Variants in SYNDIG1L observed in about 807,000 individuals in gnomAD.
SYNDIG1L encodes synapse differentiation inducing 1 like, also known as synapse differentiation-inducing gene protein 1-like.
In SYNDIG1L, 13 loss-of-function variants were observed where a neutral mutation model predicts 20.1. That is an observed-to-expected ratio of 0.65 (90% CI 0.42 to 1.03). SYNDIG1L has a LOEUF of 1.03. SYNDIG1L is among the 50% of genes least tolerant of loss of function. The pLI, the probability that SYNDIG1L is intolerant of heterozygous loss-of-function variation, is 0.00. For missense variants in SYNDIG1L, 294 were observed against 305.1 expected (o/e 0.96, Z 0.27); for synonymous variants, 128 against 129.3 (o/e 0.99, Z 0.07).
the SYNDIG1L span, among the ~76,000 whole-genome samples, chr14:74,449,511 C>G: frequency 1.2e-3 from 162 of 130,636 alleles, no homozygotes; most frequent in African/African-American, 4.5e-3. Context: ...ACTCAGGAGG[C>G]TGACATGGAA....
chr14:74,425,174 G>A (rs910599690), intron 1 of SYNDIG1L, among the ~76,000 whole-genome samples: 1 of 151,948 alleles, frequency 6.6e-6, no homozygotes, highest in Non-Finnish European at 1.5e-5. Context: ...AGCTCATTCA[G>A]CGCACTCTTG....
At chr14:74,456,226 G>A in the SYNDIG1L span, among the ~76,000 whole-genome samples, 1 of 152,148 alleles carries the variant, frequency 6.6e-6, no homozygotes, top group East Asian at 1.9e-4. Flanking sequence ...AAGGAGGTAG[G>A]TAGGTCATAT....
At chr14:74,472,630 A>AGCAGAGT in the SYNDIG1L span, among the ~76,000 whole-genome samples, 1 of 152,188 alleles carries the variant, frequency 6.6e-6, no homozygotes, top group Non-Finnish European at 1.5e-5. Context: ...GAAGGGAGAG[A>AGCAGAGT]GCAGAGTGCT....
At chr14:74,462,988 C>T in the SYNDIG1L span, among the ~76,000 whole-genome samples, 1 of 152,162 alleles carries the variant, frequency 6.6e-6, no homozygotes, top group African/African-American at 2.4e-5. Flanking sequence ...AGGGAACTAA[C>T]AAGGCTGAGA....
At chr14:74,443,211 A>G in the SYNDIG1L span, among the ~76,000 whole-genome samples, 1 of 152,218 alleles carries the variant, frequency 6.6e-6, no homozygotes, top group Non-Finnish European at 1.5e-5. Context: ...AAAAGGAGAC[A>G]AGGGGGAGGG....
At chr14:74,449,639 AAAAAG>A in the SYNDIG1L span, among the ~76,000 whole-genome samples, 1 of 151,128 alleles carries the variant, frequency 6.6e-6, no homozygotes, top group African/African-American at 2.4e-5. Context: ...AAGAAAAAAG[AAAAAG>A]AAAAAGAAAA....
rs191545332 is a variant in SYNDIG1L, at chr14:74,424,435, G to A, written c.-58+1477C>T. 1.2e-3 allele frequency among the ~76,000 whole-genome samples: 182 copies of A among 152,030 alleles called. 1 individual carries two copies. Among genetic ancestry groups the A allele is most frequent in the African/African-American group, 4.3e-3 (177 of 41,452 alleles). ...TATCTTCCAGGTGCTGTTGGGGAGGGGGTCATGAAGGGGGACAAAGAGATG... is the reference window on the plus strand; with the variant it reads ...TATCTTCCAGGTGCTGTTGGGGAGGAGGTCATGAAGGGGGACAAAGAGATG... On this transcript the variant is annotated intron_variant, in intron 1 of 3. Transcript: ENST00000331628.
chr14:74,422,721 T>C (rs1302958325), intron 1 of SYNDIG1L, among the ~76,000 whole-genome samples: 10 of 149,812 alleles, frequency 6.7e-5, no homozygotes, highest in South Asian at 2.1e-4. Flanking sequence ...TTTCTCTCTT[T>C]TTTTTTTTTT....
chr14:74,470,422 T>C, the SYNDIG1L span, among the ~76,000 whole-genome samples: 1 of 152,122 alleles, frequency 6.6e-6, no homozygotes, highest in South Asian at 2.1e-4. Context: ...AGAAACAACA[T>C]CCAGACTGCA....
the SYNDIG1L span, among the ~76,000 whole-genome samples, chr14:74,436,915 T>C: frequency 1.3e-5 from 2 of 150,926 alleles, no homozygotes; most frequent in South Asian, 2.1e-4. Flanking sequence ...CAGACTCCTC[T>C]GCCTGGGCTG....
At chr14:74,453,966 AAAAAAC>A in the SYNDIG1L span, among the ~76,000 whole-genome samples, 1 of 152,194 alleles carries the variant, frequency 6.6e-6, no homozygotes, top group Non-Finnish European at 1.5e-5. Flanking sequence ...ATTCTGTCTC[AAAAAAC>A]AAAAACAAAA....
the SYNDIG1L span, among the ~76,000 whole-genome samples, chr14:74,465,165 T>A: frequency 6.6e-6 from 1 of 152,158 alleles, no homozygotes; most frequent in Admixed American, 6.5e-5. Flanking sequence ...CTTCATTTGG[T>A]GCAGTAGTGG....
the SYNDIG1L span, among the ~76,000 whole-genome samples, chr14:74,434,222 C>A: frequency 1.3e-5 from 2 of 152,160 alleles, no homozygotes; most frequent in Non-Finnish European, 2.9e-5. Context: ...GCATGCACTA[C>A]CTTAAAATTA....
upstream of SYNDIG1L, among the ~76,000 whole-genome samples, chr14:74,430,464 C>G (rs1255964247): frequency 6.6e-6 from 1 of 151,054 alleles, no homozygotes; most frequent in Non-Finnish European, 1.5e-5. Context: ...GAGACAGAGT[C>G]TCACTCTGTC....
chr14:74,425,322 G>C (rs1341832506), intron 1 of SYNDIG1L, among the ~76,000 whole-genome samples: 1 of 152,172 alleles, frequency 6.6e-6, no homozygotes, highest in East Asian at 1.9e-4. Context: ...TTCTGTGAGC[G>C]TCAAGAGTGT....
chr14:74,416,164 AT>A (rs2086173285), intron 1 of SYNDIG1L, among the ~76,000 whole-genome samples: 2 of 151,944 alleles, frequency 1.3e-5, no homozygotes, highest in South Asian at 4.2e-4. Flanking sequence ...TCTTTATTTT[AT>A]TTTATAATTT....
chr14:74,454,598 T>C, the SYNDIG1L span, among the ~76,000 whole-genome samples: 1 of 152,222 alleles, frequency 6.6e-6, no homozygotes, highest in Non-Finnish European at 1.5e-5. Flanking sequence ...TTAACATTTA[T>C]TGTTCCCCTT....
the SYNDIG1L span, among the ~76,000 whole-genome samples, chr14:74,463,610 A>G: frequency 6.6e-6 from 1 of 152,134 alleles, no homozygotes; most frequent in African/African-American, 2.4e-5. Flanking sequence ...AGAAATAAGG[A>G]TACAGCTGTA....
chr14:74,477,088 A>ACACACT, the SYNDIG1L span, among the ~76,000 whole-genome samples: 87 of 74,886 alleles, frequency 1.2e-3, 10 homozygotes, highest in African/African-American at 4.7e-3. Flanking sequence ...ACACACACAC[A>ACACACT]CAACCCTGTC....
Sources: allele counts gnomAD v4.1 joint callset (sites outside exome capture counted in the v4.1 genomes callset), GRCh38; gene constraint gnomAD v4.1.1; transcripts MANE v1.5; gene names NCBI Gene and HGNC (gene_info 2026-07-23, HGNC 2026-07-21).